Variants in WDR33 observed in about 807,000 individuals in gnomAD.
The protein encoded by WDR33 is pre-mRNA 3' end processing protein WDR33.
WDR33 carries 47 observed loss-of-function variants against 164.9 expected under a neutral mutation model. That is an observed-to-expected ratio of 0.29 (90% confidence interval 0.23 to 0.36). The LOEUF (loss-of-function observed/expected upper bound fraction) is 0.36, where lower values mean the gene tolerates loss of function less well. Among genes scored for constraint, WDR33 ranks in the 10% least tolerant of loss-of-function variants. WDR33 has a pLI of 1.00. For missense variants in WDR33, 1,137 were observed against 1,754.1 expected, an observed-to-expected ratio of 0.65 and a Z score of 6.28; for synonymous variants, 505 against 589.0, an observed-to-expected ratio of 0.86 and a Z score of 2.06.
intron 7 of WDR33, chr2:127,736,978 CAAT>C (rs1686864077): frequency 1.0e-6 from 1 of 985,098 alleles, no homozygotes; most frequent in Non-Finnish European, 1.2e-6. Context: ...TGAAAAGGTA[CAAT>C]ATTATTCCAA....
At chr2:127,756,841 G>C (rs1368713185) in intron 7 of WDR33, among the ~76,000 whole-genome samples, 1 of 152,068 alleles carries the variant, frequency 6.6e-6, no homozygotes, top group East Asian at 1.9e-4. Flanking sequence ...CAGCACTTTG[G>C]GAGGCCAAGT....
chr2:127,747,065 G>A (rs1262977955), intron 7 of WDR33, among the ~76,000 whole-genome samples: 2 of 151,922 alleles, frequency 1.3e-5, no homozygotes, highest in Non-Finnish European at 2.9e-5. Context: ...CGCCCAAACA[G>A]ATTTAGTTTC....
intron 7 of WDR33, among the ~76,000 whole-genome samples, chr2:127,729,643 CCA>C (rs1686655735): frequency 6.6e-6 from 1 of 152,028 alleles, no homozygotes; most frequent in African/African-American, 2.4e-5. Context: ...CTACAGGCGC[CCA>C]CCACCACGCC....
At chr2:127,755,301 A>T (rs1687487268) in intron 7 of WDR33, among the ~76,000 whole-genome samples, 1 of 152,188 alleles carries the variant, frequency 6.6e-6, no homozygotes, top group Non-Finnish European at 1.5e-5. Context: ...TAAACTGTTA[A>T]ATAGGACGGG....
intron 7 of WDR33, chr2:127,737,289 C>T (rs1461244649): frequency 6.1e-6 from 6 of 985,194 alleles, no homozygotes; most frequent in Non-Finnish European, 7.2e-6. Flanking sequence ...CGGGAGATAC[C>T]AGTGTCCCAC....
In WDR33 at chr2:127,757,098, G is replaced by A. The variant is rs56402108; in HGVS notation, c.724+5964C>T. 4.9e-3 allele frequency among the ~76,000 whole-genome samples: 731 copies of A among 148,192 alleles called. 12 individuals are homozygous for A. Among genetic ancestry groups the A allele is most frequent in the African/African-American group, 0.018 (702 of 40,024 alleles). On this transcript the variant is annotated intron_variant, in intron 7 of 21. Coordinates refer to ENST00000322313, the MANE Select transcript of WDR33 (RefSeq NM_018383.5). ...TCTCCAAAAAAAAAAAAAAAAAGTC[G>A]AATCTTCACATACAAAAGAGTGCCT...
intron 1 of WDR33, among the ~76,000 whole-genome samples, chr2:127,804,347 T>C (rs1193717338): frequency 6.6e-6 from 1 of 152,096 alleles, no homozygotes; most frequent in Non-Finnish European, 1.5e-5. Context: ...ATATCTAGAT[T>C]GGATACTGGA....
chr2:127,713,372 G>A lies in WDR33; in HGVS notation c.3308+211C>T, dbSNP rs911248539. 4.6e-5 allele frequency among the ~76,000 whole-genome samples: 7 copies of A among 152,152 alleles called. No individual in the cohort carries two copies. The highest frequency in any genetic ancestry group is 7.4e-5 in the Non-Finnish European group (5 of 68,002). ...CAAAATATAAAAAAATAAACAAAACGAAAAAGATTTCTAGACAGCAAAGAT... is the reference window on the plus strand; with the variant it reads ...CAAAATATAAAAAAATAAACAAAACAAAAAAGATTTCTAGACAGCAAAGAT... On this transcript the variant is annotated intron_variant, in intron 18 of 21. Coordinates refer to ENST00000322313, the MANE Select transcript of WDR33 (RefSeq NM_018383.5). This position sits in a 1 kb window ranked among gnomAD's most constrained non-coding sequence, Gnocchi z 6.2.
chr2:127,795,263 G>A (rs1688998084), intron 1 of WDR33, among the ~76,000 whole-genome samples: 1 of 151,716 alleles, frequency 6.6e-6, no homozygotes, highest in South Asian at 2.1e-4. Flanking sequence ...ACCATGCCCG[G>A]CTAATTTTTG....
intron 7 of WDR33, among the ~76,000 whole-genome samples, chr2:127,731,710 T>C (rs1057113792): frequency 1.1e-4 from 16 of 152,204 alleles, no homozygotes; most frequent in African/African-American, 3.9e-4. Flanking sequence ...TTGGAAATGT[T>C]CTATATCTAG....
intron 7 of WDR33, among the ~76,000 whole-genome samples, chr2:127,748,853 T>TC (rs1687235646): frequency 7.3e-6 from 1 of 136,928 alleles, no homozygotes; most frequent in South Asian, 2.3e-4. Context: ...CAAGTGATCC[T>TC]CCTAACAGGG....
At chr2:127,747,822 T>G (rs571955567) in intron 7 of WDR33, among the ~76,000 whole-genome samples, 54 of 152,278 alleles carry the variant, frequency 3.5e-4, no homozygotes, top group African/African-American at 1.2e-3. Context: ...TTCAAGAAAG[T>G]AAAAAGCAGC....
intron 1 of WDR33, among the ~76,000 whole-genome samples, chr2:127,806,743 G>A (rs964318856): frequency 2.1e-5 from 3 of 142,572 alleles, no homozygotes; most frequent in Non-Finnish European, 3.1e-5. Context: ...ATTGCCTTAG[G>A]TATGATAATG....
chr2:127,781,261 A>G (rs1688359233), intron 1 of WDR33, among the ~76,000 whole-genome samples: 1 of 152,208 alleles, frequency 6.6e-6, no homozygotes, highest in Non-Finnish European at 1.5e-5. Context: ...CGCTTCATTT[A>G]TATGACATTC....
intron 7 of WDR33, among the ~76,000 whole-genome samples, chr2:127,758,842 C>A (rs1687595845): frequency 6.6e-6 from 1 of 152,180 alleles, no homozygotes; most frequent in Non-Finnish European, 1.5e-5. Flanking sequence ...AAATATCTCA[C>A]CTTCCTATTA....
intron 1 of WDR33, among the ~76,000 whole-genome samples, chr2:127,775,135 T>C (rs561786413): frequency 6.6e-6 from 1 of 152,270 alleles, no homozygotes; most frequent in African/African-American, 2.4e-5. Flanking sequence ...AACAGTGAAT[T>C]CTCTGTTATG....
rs1307768653 is a variant in WDR33, at chr2:127,770,081, G to T, written c.204+697C>A. 6.6e-6 allele frequency among the ~76,000 whole-genome samples: 1 copy of T among 152,184 alleles called. No homozygotes were observed. The highest frequency in any genetic ancestry group is 1.9e-4 in the East Asian group (1 of 5,208). On this transcript the variant is annotated intron_variant, in intron 2 of 21. Coordinates refer to ENST00000322313, the MANE Select transcript of WDR33 (RefSeq NM_018383.5). The surrounding 1 kb of genome is among the most constrained non-coding windows in gnomAD (Gnocchi z 4.9). ...GAGAATCCATGTTCTCCAAGCCAGTGTCTCACAAAAATATTCCTATGTTGG... is the reference window on the plus strand; with the variant it reads ...GAGAATCCATGTTCTCCAAGCCAGTTTCTCACAAAAATATTCCTATGTTGG...
At position 127,706,269 on chromosome 2, in the gene WDR33, CAAG is replaced by C; in HGVS notation, c.*51_*53del. The C allele has an allele frequency of 6.9e-7, 1 of 1,452,410 alleles. No homozygotes were observed. The highest frequency in any genetic ancestry group is 9.2e-7 in the Non-Finnish European group (1 of 1,091,914). The allele number at this position is 1,452,410 out of a possible 1,614,324, so 90.0% of individuals were successfully genotyped here. A position where few individuals can be genotyped will look rare whatever the true frequency, so the allele number is the denominator to read the frequency against. On this transcript the variant is annotated 3_prime_UTR_variant, in exon 22 of 22. Coordinates refer to ENST00000322313, the MANE Select transcript of WDR33 (RefSeq NM_018383.5). This position sits in a 1 kb window ranked among gnomAD's most constrained non-coding sequence, Gnocchi z 5.1. ...CCTTTTGTTTCTCTTGGTGAGTCCACAAGAAGTTCTTACATACTGTCCAGAGAG... is the reference window on the plus strand; with the variant it reads ...CCTTTTGTTTCTCTTGGTGAGTCCACAAGTTCTTACATACTGTCCAGAGAG...
intron 7 of WDR33, among the ~76,000 whole-genome samples, chr2:127,729,495 C>CT (rs774362916): frequency 0.026 from 3,704 of 144,438 alleles, 127 homozygotes; most frequent in African/African-American, 0.079. Context: ...AGAGACTATT[C>CT]TTTTTTTTTT....
Sources: gnomAD v4.1 joint callset for allele counts (sites outside exome capture counted in the v4.1 genomes callset) on GRCh38, gnomAD v4.1.1 for gene constraint, Gnocchi (gnomAD v3.1) non-coding constraint, MANE v1.5 for transcripts, NCBI Gene and HGNC (gene_info 2026-07-23, HGNC 2026-07-21) for gene names.